OSTF1: variants seen among roughly 807,000 people sequenced by gnomAD.
The protein encoded by OSTF1 is osteoclast stimulating factor 1.
A neutral mutation model predicts 37.2 loss-of-function variants in OSTF1; 27 were observed. That is an observed-to-expected ratio of 0.73 (90% CI 0.54 to 1.00). OSTF1 has a LOEUF of 1.00. Ranked by LOEUF, OSTF1 falls within the 50% of genes least tolerant of loss-of-function variation. OSTF1 has a pLI of 0.00. For synonymous variants in OSTF1, 82 were observed against 89.2 expected, an observed-to-expected ratio of 0.92 and a Z score of 0.46; for missense variants, 232 against 253.8, an observed-to-expected ratio of 0.91 and a Z score of 0.58.
intron 4 of OSTF1, 96 bp downstream of exon 4, chr9:75,130,737 T>C (rs1825749698): frequency 2.6e-6 from 2 of 783,980 alleles, no homozygotes; most frequent in South Asian, 1.4e-5. Flanking sequence ...GAGAAAGCAA[T>C]GGAGTCATTG....
intron 1 of OSTF1, among the ~76,000 whole-genome samples, chr9:75,113,936 C>T (rs926621938): frequency 6.6e-6 from 1 of 152,126 alleles, no homozygotes; most frequent in African/African-American, 2.4e-5. Flanking sequence ...TAACCAGCAT[C>T]CCCCCAAGTC....
At chr9:75,107,347 C>T (rs1053033834) in intron 1 of OSTF1, among the ~76,000 whole-genome samples, 1 of 151,762 alleles carries the variant, frequency 6.6e-6, no homozygotes, top group Non-Finnish European at 1.5e-5. Context: ...TTTTTTAGTA[C>T]CCACGGGGTA....
chr9:75,106,175 GT>G (rs1265831592), intron 1 of OSTF1, among the ~76,000 whole-genome samples: 3 of 152,186 alleles, frequency 2.0e-5, no homozygotes, highest in African/African-American at 7.2e-5. Flanking sequence ...GTTGCTGTTA[GT>G]TTTTTCTTTA....
Position 75,133,325 on chromosome 9 carries a change from C to T in OSTF1, c.282C>T (p.Asp94=), listed in dbSNP as rs1825794956. 2 of 1,612,370 alleles carry T rather than the reference C, an allele frequency of 1.2e-6. No individual in the cohort carries two copies. Among genetic ancestry groups the T allele is most frequent in the Non-Finnish European group, 1.7e-6 (2 of 1,178,546 alleles). The change falls in exon 6 of 10, where the codon GAC becomes GAT. Residue 94 remains aspartate (D), a synonymous_variant. Coordinates refer to ENST00000346234, the MANE Select transcript of OSTF1 (RefSeq NM_012383.5). ...GNLSWLRECL[D]NRVGVNGLDK... Reference sequence around the variant, plus strand: ...TGAGCTGGTTGAGAGAGTGTTTGGACAACAGAGTGGGTGTTAATGGCTTAG... The same window carrying T: ...TGAGCTGGTTGAGAGAGTGTTTGGATAACAGAGTGGGTGTTAATGGCTTAG...
At chr9:75,141,312 CAAAAA>C (rs529293090) in intron 9 of OSTF1, among the ~76,000 whole-genome samples, 38 of 71,674 alleles carry the variant, frequency 5.3e-4, no homozygotes, top group South Asian at 1.4e-3. Flanking sequence ...AAAAGAAAAC[CAAAAA>C]AAAAAAAAAA....
intron 1 of OSTF1, among the ~76,000 whole-genome samples, chr9:75,115,310 G>C (rs1466409080): frequency 2.0e-5 from 3 of 151,840 alleles, no homozygotes; most frequent in African/African-American, 7.3e-5. Context: ...ATATTATTTT[G>C]AGGCAGAGTC....
chr9:75,094,995 A>G (rs1292403199), intron 1 of OSTF1, among the ~76,000 whole-genome samples: 1 of 152,176 alleles, frequency 6.6e-6, no homozygotes, highest in Non-Finnish European at 1.5e-5. Flanking sequence ...GTGCCACTGC[A>G]CTCCAGCCTG....
intron 2 of OSTF1, among the ~76,000 whole-genome samples, chr9:75,123,171 C>G (rs1377807073): frequency 6.6e-6 from 1 of 152,224 alleles, no homozygotes; most frequent in Non-Finnish European, 1.5e-5. Context: ...CCTGTAATCC[C>G]AGCACTCTGG....
At chr9:75,136,636 C>T (rs182008331) in intron 7 of OSTF1, among the ~76,000 whole-genome samples, 11 of 152,320 alleles carry the variant, frequency 7.2e-5, no homozygotes, top group Admixed American at 6.5e-4. Context: ...AGGTGATCCG[C>T]TCTCCTCGGT....
intron 1 of OSTF1, among the ~76,000 whole-genome samples, chr9:75,111,713 G>A (rs1825391028): frequency 6.7e-6 from 1 of 150,288 alleles, no homozygotes; most frequent in African/African-American, 2.4e-5. Flanking sequence ...GAGGGAGCCC[G>A]AGGAAAGCAT....
At chr9:75,093,329 T>C (rs1034679236) in intron 1 of OSTF1, among the ~76,000 whole-genome samples, 97 of 152,304 alleles carry the variant, frequency 6.4e-4, no homozygotes, top group African/African-American at 2.2e-3. Flanking sequence ...TGTTAGAGTG[T>C]AGAAGTGTAG....
intron 5 of OSTF1, 134 bp from the exon 6 acceptor site, chr9:75,133,160 G>T: frequency 1.7e-6 from 1 of 581,570 alleles, no homozygotes; most frequent in East Asian, 2.8e-5. Context: ...TGCATTAATG[G>T]GGAGGTCTTA....
At chr9:75,098,464 A>G (rs968322505) in intron 1 of OSTF1, among the ~76,000 whole-genome samples, 1 of 152,146 alleles carries the variant, frequency 6.6e-6, no homozygotes, top group African/African-American at 2.4e-5. Context: ...GAAAGAGAAC[A>G]CTGGGGTCTC....
At chr9:75,140,795 C>A in intron 8 of OSTF1, 39 bp from the exon 9 acceptor site, 1 of 1,465,862 alleles carries the variant, frequency 6.8e-7, no homozygotes, top group Non-Finnish European at 9.6e-7. Context: ...ACTATATAGT[C>A]TTCAAAGACA....
At position 75,146,692 on chromosome 9, in the gene OSTF1, G is replaced by T. The variant is rs767822193; in HGVS notation, c.596G>T (p.Arg199Leu). Residue 199 changes from arginine to leucine, a missense_variant, in exon 10 of 10, where the codon CGA becomes CTA. Transcript: ENST00000346234. ...LKKKQGTDAVRTLSNAEDYLD... is the reference protein window; with the variant it reads ...LKKKQGTDAVLTLSNAEDYLD... ...CTCCTCTTTCTTTCAGATGCAGTTC[G>T]AACATTAAGCAATGCCGAGGACTAT... 1.2e-6 allele frequency: 2 copies of T among 1,608,262 alleles called. No homozygotes were observed. The highest frequency in any genetic ancestry group is 1.7e-5 in the Admixed American group (1 of 59,384).
intron 7 of OSTF1, among the ~76,000 whole-genome samples, chr9:75,136,903 G>A (rs1374096604): frequency 6.6e-6 from 1 of 152,178 alleles, no homozygotes; most frequent in East Asian, 1.9e-4. Context: ...CTGCCTGGGG[G>A]TATGTGCACA....
intron 4 of OSTF1, 124 bp downstream of exon 4, chr9:75,130,765 C>A: frequency 1.5e-6 from 1 of 672,020 alleles, no homozygotes; most frequent in Non-Finnish European, 2.8e-6. Flanking sequence ...AGGACATTTT[C>A]TATTCCATGA....
chr9:75,143,523 C>T (rs898030063), intron 9 of OSTF1, among the ~76,000 whole-genome samples: 6 of 152,114 alleles, frequency 3.9e-5, no homozygotes, highest in Non-Finnish European at 7.3e-5. Context: ...TAGTTCTGCC[C>T]GTTCGTGAAC....
intron 8 of OSTF1, among the ~76,000 whole-genome samples, chr9:75,138,028 C>T (rs1825870543): frequency 6.6e-6 from 1 of 152,182 alleles, no homozygotes; most frequent in African/African-American, 2.4e-5. Context: ...GATGCGGCTG[C>T]AATGTCCTGC....
Sources: allele counts gnomAD v4.1 joint callset (sites outside exome capture counted in the v4.1 genomes callset), GRCh38; gene constraint gnomAD v4.1.1; transcripts MANE v1.5; gene names NCBI Gene and HGNC (gene_info 2026-07-23, HGNC 2026-07-21).